CMSS1: variants seen among roughly 807,000 people sequenced by gnomAD.
The protein encoded by CMSS1 is protein CMSS1.
A neutral mutation model predicts 43.5 loss-of-function variants in CMSS1; 33 were observed. The ratio of observed to expected loss-of-function variants is 0.76; its 90% confidence interval spans 0.57 to 1.01. The LOEUF (loss-of-function observed/expected upper bound fraction) is 1.01. Ranked by LOEUF, CMSS1 falls within the 50% of genes least tolerant of loss-of-function variation. CMSS1 has a pLI of 0.00. For missense variants in CMSS1, 313 were observed against 326.4 expected (o/e 0.96, Z 0.32); for synonymous variants, 115 against 117.2 (o/e 0.98, Z 0.12).
At chr3:99,841,036 C>T (rs1019224773) in intron 1 of CMSS1, among the ~76,000 whole-genome samples, 1 of 152,228 alleles carries the variant, frequency 6.6e-6, no homozygotes, top group African/African-American at 2.4e-5. Context: ...TCTTTCATCT[C>T]CATAATATCT....
intron 1 of CMSS1, among the ~76,000 whole-genome samples, chr3:100,062,205 G>A (rs1298727919): frequency 6.9e-6 from 1 of 144,762 alleles, no homozygotes; most frequent in African/African-American, 2.6e-5. Flanking sequence ...TCCGCCTCCC[G>A]GGTTCAGGCC....
At chr3:100,048,499 G>T (rs991435582) in intron 1 of CMSS1, among the ~76,000 whole-genome samples, 9 of 152,180 alleles carry the variant, frequency 5.9e-5, no homozygotes, top group African/African-American at 2.2e-4. Flanking sequence ...ATCTCAGTCA[G>T]AGCCCACCCT....
At chr3:99,909,347 G>T (rs1191929807) in intron 1 of CMSS1, among the ~76,000 whole-genome samples, 1 of 152,152 alleles carries the variant, frequency 6.6e-6, no homozygotes, top group Non-Finnish European at 1.5e-5. Context: ...TGTACCATGT[G>T]CTTGTGTATG....
chr3:100,100,919 C>CAAG (rs758588737), intron 1 of CMSS1, among the ~76,000 whole-genome samples: 2 of 152,126 alleles, frequency 1.3e-5, no homozygotes, highest in East Asian at 3.9e-4. Flanking sequence ...AGTGGTTGAC[C>CAAG]AAGATTTAGC....
intron 1 of CMSS1, among the ~76,000 whole-genome samples, chr3:99,846,478 T>G (rs1391909501): frequency 6.6e-6 from 1 of 152,212 alleles, no homozygotes; most frequent in East Asian, 1.9e-4. Context: ...CCTTCTAGAG[T>G]TCTGGCCCAA....
At chr3:100,039,009 G>A (rs923471) in intron 1 of CMSS1, among the ~76,000 whole-genome samples, 28,158 of 152,118 alleles carry the variant, frequency 0.19, 2,941 homozygotes, top group South Asian at 0.25. Context: ...TAAGAATTTT[G>A]TGTTGGGAGA....
intron 1 of CMSS1, among the ~76,000 whole-genome samples, chr3:100,035,237 T>TGTCCATGC (rs1391665962): frequency 2.0e-5 from 3 of 152,208 alleles, no homozygotes; most frequent in Non-Finnish European, 4.4e-5. Flanking sequence ...CATAAATGAA[T>TGTCCATGC]GTCCATGCTG....
At chr3:99,851,177 G>C in intron 1 of CMSS1, 7 of 908,200 alleles carry the variant, frequency 7.7e-6, no homozygotes, top group Non-Finnish European at 1.1e-5. Context: ...TATGAGCTGT[G>C]TCAGTTCATA....
chr3:100,082,748 A>C (rs1001697860), intron 1 of CMSS1, among the ~76,000 whole-genome samples: 1 of 152,146 alleles, frequency 6.6e-6, no homozygotes, highest in African/African-American at 2.4e-5. Flanking sequence ...TTATTGTTAC[A>C]TGTTTCTGTT....
intron 1 of CMSS1, among the ~76,000 whole-genome samples, chr3:99,961,097 C>T (rs867824494): frequency 1.3e-5 from 2 of 152,278 alleles, no homozygotes; most frequent in East Asian, 1.9e-4. Context: ...GCCCAAATGA[C>T]GTAACCTTGG....
At chr3:100,060,581 G>A (rs868142504) in intron 1 of CMSS1, among the ~76,000 whole-genome samples, 20 of 152,044 alleles carry the variant, frequency 1.3e-4, no homozygotes, top group African/African-American at 3.1e-4. Flanking sequence ...GGGGCTCGGC[G>A]CAGTGGCTCA....
At chr3:100,154,642 T>C (rs935224371) in intron 2 of CMSS1, among the ~76,000 whole-genome samples, 2 of 152,212 alleles carry the variant, frequency 1.3e-5, no homozygotes, top group Non-Finnish European at 2.9e-5. Context: ...TTAAATTTTT[T>C]TATTTTTACC....
intron 1 of CMSS1, among the ~76,000 whole-genome samples, chr3:99,865,048 G>C (rs1294981436): frequency 6.6e-6 from 1 of 152,040 alleles, no homozygotes; most frequent in Non-Finnish European, 1.5e-5. Flanking sequence ...TTCTATTTTT[G>C]AAATAGGTAC....
chr3:99,876,007 A>G, intron 1 of CMSS1: 2 of 973,878 alleles, frequency 2.1e-6, no homozygotes, highest in Non-Finnish European at 1.2e-6. Flanking sequence ...CCACCCACAG[A>G]CTTGCTACCT....
At chr3:100,010,829 A>G (rs1365802046) in intron 1 of CMSS1, among the ~76,000 whole-genome samples, 1 of 130,604 alleles carries the variant, frequency 7.7e-6, no homozygotes, top group Non-Finnish European at 1.6e-5. Context: ...GGGTTTCAGC[A>G]TGTTGGTCAG....
chr3:99,858,187 C>G lies in CMSS1; in HGVS notation c.64+40144C>G, dbSNP rs186176986. Among the ~76,000 whole-genome samples, 344 of 152,206 alleles carry G rather than the reference C, an allele frequency of 2.3e-3. 1 individual carries two copies. Among genetic ancestry groups the G allele is most frequent in the African/African-American group, 8.0e-3 (331 of 41,536 alleles). On this transcript the variant is annotated intron_variant, in intron 1 of 9. Transcript: ENST00000421999. ...AGATTTTAAAAATACTCATTAGTGCCAGATGCAGTGGCTCACACCTATAAT... is the reference window on the plus strand; with the variant it reads ...AGATTTTAAAAATACTCATTAGTGCGAGATGCAGTGGCTCACACCTATAAT...
chr3:100,089,977 C>CT (rs1224656972), intron 1 of CMSS1, among the ~76,000 whole-genome samples: 2 of 152,198 alleles, frequency 1.3e-5, no homozygotes, highest in African/African-American at 2.4e-5. Context: ...AAATAGTACA[C>CT]TCATCTTCCC....
chr3:100,153,048 T>C (rs2107520357), intron 2 of CMSS1, among the ~76,000 whole-genome samples: 1 of 152,320 alleles, frequency 6.6e-6, no homozygotes, highest in East Asian at 1.9e-4. Flanking sequence ...TCTTTTGAGG[T>C]AAAGTTAATA....
At chr3:99,993,259 T>C (rs879468122) in intron 1 of CMSS1, among the ~76,000 whole-genome samples, 4 of 152,102 alleles carry the variant, frequency 2.6e-5, no homozygotes, top group African/African-American at 4.8e-5. Flanking sequence ...TTTAATAATA[T>C]TGATTCTTCA....
Sources: allele counts gnomAD v4.1 joint callset (sites outside exome capture counted in the v4.1 genomes callset), GRCh38; gene constraint gnomAD v4.1.1; transcripts MANE v1.5; gene names NCBI Gene and HGNC (gene_info 2026-07-23, HGNC 2026-07-21).